HERC1: variants seen among roughly 807,000 people sequenced by gnomAD.
HERC1 encodes the protein HECT and RLD domain containing E3 ubiquitin protein ligase family member 1.
Under a neutral mutation model 554.3 loss-of-function variants are expected in HERC1, and 160 were observed. The ratio of observed to expected loss-of-function variants is 0.29; its 90% CI spans 0.25 to 0.33. HERC1 has a LOEUF of 0.33. Ranked by LOEUF, HERC1 falls within the 10% of genes least tolerant of loss-of-function variation. The pLI is 1.00. For synonymous variants in HERC1, 2,175 were observed against 2,131.7 expected (o/e 1.02, Z -0.56); for missense variants, 4,919 against 5,918.5 (o/e 0.83, Z 5.54).
chr15:63,634,852 A>C lies in HERC1; in HGVS notation c.12451T>G (p.Ser4151Ala). 1 of 1,613,770 alleles carries C rather than the reference A, an allele frequency of 6.2e-7. No homozygotes were observed. The highest frequency in any genetic ancestry group is 8.5e-7 in the Non-Finnish European group (1 of 1,179,778). The change falls in exon 66 of 78, where the codon TCA becomes GCA. Residue 4151 changes from serine (S) to alanine (A), a missense_variant. Physicochemically the swap from Ser to Ala is moderately conservative, Grantham distance 99 (BLOSUM62 1). Transcript: ENST00000443617. ...CGFKHSAVVT[S>A]DGKLFTFGNG... ...CCAAAGGTGAACAGTTTGCCATCTG[A>C]AGTGACCACTGCTGAGTGCTTGAAG... is the stretch of plus-strand genomic sequence containing the variant.
intron 50 of HERC1, among the ~76,000 whole-genome samples, chr15:63,654,536 G>GT (rs1373628487): frequency 6.6e-6 from 1 of 152,138 alleles, no homozygotes; most frequent in Non-Finnish European, 1.5e-5. Context: ...ATCAAATTCT[G>GT]TAAGAAATCT....
Position 63,686,517 on chromosome 15 carries a change from C to A in HERC1, c.6067G>T (p.Glu2023Ter). 6.2e-7 allele frequency: 1 copy of A among 1,613,200 alleles called. No individual in the cohort carries two copies. The highest frequency in any genetic ancestry group is 8.5e-7 in the Non-Finnish European group (1 of 1,179,608). The part of the protein sequence containing the change: ...IKLQKQGELE[E>*]EDENLPIQEV... The stretch of plus-strand genomic sequence containing the variant: ...TGGATAGGAAGATTCTCATCTTCTT[C>A]TTCCAACTCGCCCTGCTTCTACCAG... Residue 2023 changes from glutamate (E) to a stop codon, truncating the protein, a stop_gained, in exon 34 of 78, where the codon GAA (glutamate) becomes TAA (stop). Coordinates refer to ENST00000443617, the MANE Select transcript of HERC1 (RefSeq NM_003922.4). LOFTEE classifies it high-confidence loss of function.
At chr15:63,673,368 C>T (rs962713764) in intron 38 of HERC1, among the ~76,000 whole-genome samples, 2 of 151,240 alleles carry the variant, frequency 1.3e-5, no homozygotes, top group Admixed American at 6.6e-5. Flanking sequence ...CACCATGTAC[C>T]TCTCTCTCTC....
Position 63,733,117 on chromosome 15 carries a change from C to T in HERC1, c.2675G>A (p.Ser892Asn), listed in dbSNP as rs1456324466. The change falls in exon 14 of 78, where the codon AGT becomes AAT. Residue 892 changes from serine (S) to asparagine (N), a missense_variant. Ser to Asn is a conservative substitution (Grantham distance 46, BLOSUM62 1). Around this residue, in one of 11 missense-constraint regions of HERC1, gnomAD observed 744 missense variants for 1,090.0 expected, o/e 0.68. Coordinates refer to ENST00000443617, the MANE Select transcript of HERC1 (RefSeq NM_003922.4). ...QRMQLDIILT[S>N]LQDHTHVASL... is the part of the protein sequence containing the mutation. ...GGCTACGTGGGTATGATCTTGCAAA[C>T]TTGTCAGGATGATATCCAGTTGCAT... 1 of 1,613,526 alleles carries T rather than the reference C, an allele frequency of 6.2e-7. No homozygotes were observed. The highest frequency in any genetic ancestry group is 2.2e-5 in the East Asian group (1 of 44,874).
rs1326677215 is a variant in HERC1 at position 63,718,914 on chromosome 15, T to C, written c.3743-17A>G. 2.6e-6 allele frequency: 4 copies of C among 1,540,218 alleles called. No individual in the cohort carries two copies. The highest frequency in any genetic ancestry group is 3.6e-6 in the Non-Finnish European group (4 of 1,122,286). ...TGTCCCAATCTGAAAATAAAAATGA[T>C]GCATTGACATTTAAAAGGGCTCAGA... On this transcript the variant is annotated splice_polypyrimidine_tract_variant and intron_variant, in intron 19 of 77. Transcript: ENST00000443617. This position sits in a 1 kb window ranked among gnomAD's most constrained non-coding sequence, Gnocchi z 4.2.
At chr15:63,633,792 A>G in intron 67 of HERC1, 56 bp downstream of exon 67, 1 of 1,555,266 alleles carries the variant, frequency 6.4e-7, no homozygotes, top group South Asian at 1.2e-5. Context: ...ATAACTACTG[A>G]CATAGATGAA....
intron 39 of HERC1, among the ~76,000 whole-genome samples, chr15:63,670,616 A>G (rs528224331): frequency 2.0e-5 from 3 of 152,300 alleles, no homozygotes; most frequent in Admixed American, 6.5e-5. Context: ...GTGAATGCCT[A>G]TGGGAGCAAG....
chr15:63,826,361 CA>C (rs2077902409), intron 1 of HERC1, among the ~76,000 whole-genome samples: 1 of 152,074 alleles, frequency 6.6e-6, no homozygotes, highest in Non-Finnish European at 1.5e-5. Context: ...TGACAGGTTC[CA>C]AGATACTGCC....
In HERC1 at chr15:63,652,678, A is replaced by C; in HGVS notation, c.10291-137T>G. On this transcript the variant is annotated intron_variant, in intron 51 of 77. Transcript: ENST00000443617. The stretch of plus-strand genomic sequence containing the variant: ...CCATTCCTTTCTTTTCTTGAGATGA[A>C]GTCTTGCTCTGTTGCCCAGACTGGA... The C allele has an allele frequency of 1.7e-5, 12 of 709,422 alleles. No individual in the cohort carries two copies. The South Asian group carries it at 2.3e-4, about 13-fold the overall frequency. The allele number at this position is 709,422 out of a possible 1,614,324, so 43.9% of individuals were successfully genotyped here.
Position 63,678,231 on chromosome 15 carries a change from A to G in HERC1, c.6684T>C (p.Arg2228=), listed in dbSNP as rs2071301071. ...TTTTTTTGTTAATGCAGTAAGTCCA[A>G]CGGTCTGTTCGGTGAAGGATACGGA... is the stretch of plus-strand genomic sequence containing the variant. The part of the protein sequence containing the change: ...QLIRILHRTD[R]WTYCINKKMM... The change falls in exon 37 of 78, where the codon CGT becomes CGC. Residue 2228 remains arginine, a synonymous_variant. Coordinates refer to ENST00000443617, the MANE Select transcript of HERC1 (RefSeq NM_003922.4). 1.9e-6 allele frequency: 3 copies of G among 1,613,800 alleles called. No homozygotes were observed. In the African/African-American group the frequency reaches 4.0e-5, roughly 22 times the overall value.
rs1253102079 is a variant in HERC1 at position 63,615,863 on chromosome 15, T to C, written c.13999A>G (p.Ile4667Val). Residue 4667 changes from isoleucine to valine, a missense_variant, in exon 76 of 78, where the codon ATC becomes GTC. Ile to Val is a conservative substitution (Grantham distance 29). Coordinates refer to ENST00000443617, the MANE Select transcript of HERC1 (RefSeq NM_003922.4). ...AGTGGGATACTATTTCCACCAGGGATTATAGGAACCATTTTGCCATCAGCA... is the reference window on the plus strand; with the variant it reads ...AGTGGGATACTATTTCCACCAGGGACTATAGGAACCATTTTGCCATCAGCA... ...QSADGKMVPI[I>V]PGGNSIPLTF... 2 of 1,607,206 alleles carry C rather than the reference T, an allele frequency of 1.2e-6. No homozygotes were observed. Among genetic ancestry groups the C allele is most frequent in the Non-Finnish European group, 1.7e-6 (2 of 1,177,278 alleles).
Position 63,662,006 on chromosome 15 carries a change from CAG to C in HERC1, c.8915_8916del (p.Ser2972Ter). ...CACACCACCACTTCTTCCCTGTCTT[CAG>C]ACTCACAAACATGCTGCACAAAAGG... ...LDWPTWHVCE[S>X]EDREEVVVCE... On this transcript the variant is annotated frameshift_variant, in exon 45 of 78. Coordinates refer to ENST00000443617, the MANE Select transcript of HERC1 (RefSeq NM_003922.4). LOFTEE classifies it high-confidence loss of function. The C allele has an allele frequency of 6.2e-7, 1 of 1,612,558 alleles. No homozygotes were observed. The highest frequency in any genetic ancestry group is 8.5e-7 in the Non-Finnish European group (1 of 1,178,638).
intron 16 of HERC1, among the ~76,000 whole-genome samples, chr15:63,728,662 T>C (rs866567936): frequency 3.9e-5 from 6 of 152,092 alleles, no homozygotes; most frequent in Non-Finnish European, 5.9e-5. Context: ...GATGGAAATA[T>C]AGGAGTCATT....
At position 63,642,970 on chromosome 15, in the gene HERC1, G is replaced by C; in HGVS notation, c.11420C>G (p.Ser3807Ter). The C allele has an allele frequency of 1.9e-6, 3 of 1,593,436 alleles. No individual in the cohort carries two copies. Among genetic ancestry groups the C allele is most frequent in the Non-Finnish European group, 2.6e-6 (3 of 1,161,612 alleles). Residue 3807 changes from serine (S) to a stop codon, truncating the protein, a stop_gained, in exon 59 of 78, where the codon TCA becomes TGA. Transcript: ENST00000443617. LOFTEE classifies it high-confidence loss of function. ...WIPEVGVAAC[S>*]NRSKDVLVVN... The stretch of plus-strand genomic sequence containing the variant: ...CTACAATATTACCTTTGATCTATTT[G>C]AGCAAGCAGCTACTCCAACTTCTGG...
chr15:63,635,966 C>G lies in HERC1; in HGVS notation c.12409G>C (p.Val4137Leu). ...TTATCCATTTCCTGCCTGACCTGCA[C>G]CACTTCTTCTCCTTGTAAGGCCTCG... ...QIEALQGEEV[V>L]QMSCGFKHSA... Residue 4137 changes from valine to leucine, a missense_variant, in exon 65 of 78, where the codon GTG becomes CTG. Transcript: ENST00000443617. 6.2e-7 allele frequency: 1 copy of G among 1,613,904 alleles called. No homozygotes were observed. Among genetic ancestry groups the G allele is most frequent in the Non-Finnish European group, 8.5e-7 (1 of 1,179,830 alleles).
rs531562433 is a variant in HERC1 at position 63,762,568 on chromosome 15, A to G, written c.1026+1528T>C. 2.6e-5 allele frequency among the ~76,000 whole-genome samples: 4 copies of G among 152,056 alleles called. No homozygotes were observed. In the East Asian group the frequency reaches 7.7e-4, roughly 29 times the overall value. On this transcript the variant is annotated intron_variant, in intron 3 of 77. Coordinates refer to ENST00000443617, the MANE Select transcript of HERC1 (RefSeq NM_003922.4). ...TCGAACTCCTGACCTCAGGTAATCC[A>G]CCCACCTCGGCCTCCCAAAGTGCTG...
intron 12 of HERC1, among the ~76,000 whole-genome samples, chr15:63,745,290 T>C (rs1346684249): frequency 6.6e-6 from 1 of 152,206 alleles, no homozygotes; most frequent in African/African-American, 2.4e-5. Flanking sequence ...CCTGCCCCTC[T>C]GTCCACTGTC....
chr15:63,748,961 C>CAA (rs11353871), intron 10 of HERC1, among the ~76,000 whole-genome samples: 1 of 137,876 alleles, frequency 7.3e-6, no homozygotes, highest in Admixed American at 7.2e-5. Flanking sequence ...ATTTTTTTTC[C>CAA]AAAAAAAAAA....
chr15:63,609,006 A>G lies in HERC1; in HGVS notation c.*75T>C. 1 of 1,341,976 alleles carries G rather than the reference A, an allele frequency of 7.5e-7. No individual in the cohort carries two copies. Among genetic ancestry groups the G allele is most frequent in the Non-Finnish European group, 1.0e-6 (1 of 975,170 alleles). The allele number at this position is 1,341,976 out of a possible 1,614,324, so 83.1% of individuals were successfully genotyped here. A position where few individuals can be genotyped will look rare whatever the true frequency, so the allele number is the denominator to read the frequency against. On this transcript the variant is annotated 3_prime_UTR_variant, in exon 78 of 78. Coordinates refer to ENST00000443617, the MANE Select transcript of HERC1 (RefSeq NM_003922.4). ...TTCTTATAACATCTATGTAGTTACC[A>G]TAAAAGTATATCAACATCAAATCAG...
Sources: gnomAD v4.1 joint callset for allele counts (sites outside exome capture counted in the v4.1 genomes callset) on GRCh38, gnomAD v4.1.1 for gene constraint, gnomAD v4.1.1 regional missense constraint, Gnocchi (gnomAD v3.1) non-coding constraint, MANE v1.5 for transcripts, NCBI Gene and HGNC (gene_info 2026-07-23, HGNC 2026-07-21) for gene names.